Variants in ACYP2 observed in about 807,000 individuals in gnomAD.
The protein encoded by ACYP2 is acylphosphatase 2, also known as acylphosphatase-2.
Under a neutral mutation model 11.2 loss-of-function variants are expected in ACYP2, and 12 were observed. That is an observed-to-expected ratio of 1.08 (90% confidence interval 0.69 to 1.74). ACYP2 has a LOEUF of 1.74. Ranked by LOEUF, ACYP2 falls within the 40% of genes most tolerant of loss-of-function variation. ACYP2 has a pLI of 0.00. For missense variants in ACYP2, 134 were observed against 101.9 expected, an observed-to-expected ratio of 1.31 and a Z score of -1.35; for synonymous variants, 43 against 32.2, an observed-to-expected ratio of 1.33 and a Z score of -1.13.
At chr2:54,115,503 C>A (rs1241787164) in intron 4 of ACYP2, 112 bp from the exon 1 acceptor site, 74 of 1,432,874 alleles carry the variant, frequency 5.2e-5, no homozygotes, top group Non-Finnish European at 6.2e-5. Context: ...CCTGGCGTCC[C>A]CGGCTGCCCT....
At chr2:53,971,694 T>A (rs1397805535) in intron 1 of ACYP2, among the ~76,000 whole-genome samples, 1 of 152,116 alleles carries the variant, frequency 6.6e-6, no homozygotes, top group Admixed American at 6.6e-5. Flanking sequence ...CAAGAATCCT[T>A]AGGAACTCTA....
chr2:54,260,021 G>A (rs1687711787), intron 6 of ACYP2, among the ~76,000 whole-genome samples: 1 of 152,160 alleles, frequency 6.6e-6, no homozygotes, highest in African/African-American at 2.4e-5. Flanking sequence ...AACTAATGAT[G>A]TAAGAGACAG....
intron 6 of ACYP2, among the ~76,000 whole-genome samples, chr2:54,246,717 T>C (rs562548873): frequency 1.3e-5 from 2 of 152,338 alleles, no homozygotes; most frequent in East Asian, 3.9e-4. Flanking sequence ...TATTGTCTAA[T>C]ATCTAATATC....
rs567353257 is a variant in ACYP2, at chr2:54,050,915, C to A, written c.63-43C>A. On this transcript the variant is annotated intron_variant, in intron 2 of 6. Transcript: ENST00000607452. ...TCAGCCTTCTGAGTAGCTGAGACTA[C>A]AGGTGTGCACCCAACTAATTAAATT... The A allele has an allele frequency of 1.2e-3, 469 of 399,804 alleles. 2 individuals carry two copies. Among genetic ancestry groups the A allele is most frequent in the Non-Finnish European group, 1.8e-3 (404 of 227,314 alleles). The allele number at this position is 399,804 out of a possible 1,614,324, so 24.8% of individuals were successfully genotyped here.
chr2:54,020,118 G>A (rs971584931), intron 2 of ACYP2, among the ~76,000 whole-genome samples: 2 of 152,032 alleles, frequency 1.3e-5, no homozygotes, highest in African/African-American at 2.4e-5. Flanking sequence ...TGTATTTTTA[G>A]TAGAGATGGG....
At chr2:54,298,064 A>G (rs530732446) in intron 6 of ACYP2, among the ~76,000 whole-genome samples, 1 of 152,328 alleles carries the variant, frequency 6.6e-6, no homozygotes, top group South Asian at 2.1e-4. Context: ...TTCTAAAACT[A>G]TAATAATTAG....
intron 4 of ACYP2, among the ~76,000 whole-genome samples, chr2:54,080,729 C>T (rs1457581132): frequency 6.6e-6 from 1 of 151,898 alleles, no homozygotes; most frequent in African/African-American, 2.4e-5. Context: ...CTCAGGTGAT[C>T]CTCCCACCTC....
At chr2:54,068,351 G>A (rs1676851472) in intron 4 of ACYP2, among the ~76,000 whole-genome samples, 1 of 152,198 alleles carries the variant, frequency 6.6e-6, no homozygotes, top group Admixed American at 6.5e-5. Flanking sequence ...GCAGGTAGCA[G>A]GATGTCCACC....
At chr2:54,286,921 G>C (rs1005271055) in intron 6 of ACYP2, among the ~76,000 whole-genome samples, 7 of 151,938 alleles carry the variant, frequency 4.6e-5, no homozygotes, top group African/African-American at 1.7e-4. Context: ...ATGGTAAAAA[G>C]CTCCGTAAGT....
intron 4 of ACYP2, chr2:54,115,403 A>G: frequency 1.6e-6 from 1 of 634,140 alleles, no homozygotes; most frequent in Non-Finnish European, 2.6e-6. Context: ...ACCTTGATCA[A>G]TTAAATGGTA....
chr2:54,258,564 C>G (rs969563802), intron 6 of ACYP2, among the ~76,000 whole-genome samples: 9 of 152,116 alleles, frequency 5.9e-5, no homozygotes, highest in African/African-American at 1.9e-4. Flanking sequence ...CAAAATCTGA[C>G]TTAAGTTTTG....
At chr2:54,287,250 TAGC>T (rs1416109281) in intron 6 of ACYP2, among the ~76,000 whole-genome samples, 1 of 151,906 alleles carries the variant, frequency 6.6e-6, no homozygotes, top group East Asian at 1.9e-4. Flanking sequence ...TATGTCCTCA[TAGC>T]AGAAGAGGTG....
intron 4 of ACYP2, among the ~76,000 whole-genome samples, chr2:54,079,175 G>C (rs1483904592): frequency 6.6e-6 from 1 of 152,184 alleles, no homozygotes; most frequent in Admixed American, 6.5e-5. Context: ...ACTTGATGTA[G>C]AATTTAGTCC....
At chr2:54,010,647 G>A (rs1486056034) in intron 2 of ACYP2, among the ~76,000 whole-genome samples, 2 of 150,600 alleles carry the variant, frequency 1.3e-5, no homozygotes, top group South Asian at 4.2e-4. Context: ...AGAGAGTGGT[G>A]TTAGTGTTTG....
chr2:54,215,628 G>A (rs1321552034), intron 6 of ACYP2, among the ~76,000 whole-genome samples: 2 of 152,080 alleles, frequency 1.3e-5, no homozygotes, highest in African/African-American at 4.8e-5. Flanking sequence ...TTCCAGACTT[G>A]TAACTTCACA....
At chr2:54,282,704 T>C (rs764657897) in intron 6 of ACYP2, among the ~76,000 whole-genome samples, 4 of 152,184 alleles carry the variant, frequency 2.6e-5, no homozygotes, top group African/African-American at 4.8e-5. Context: ...ACCAGACTAG[T>C]GACAATTTTT....
chr2:54,050,444 G>A (rs995615614), intron 2 of ACYP2, among the ~76,000 whole-genome samples: 1 of 151,546 alleles, frequency 6.6e-6, no homozygotes, highest in Admixed American at 6.6e-5. Flanking sequence ...AGCTACTTAG[G>A]AGGCTGTGGT....
chr2:54,244,762 T>C (rs1036963809), intron 6 of ACYP2, among the ~76,000 whole-genome samples: 2 of 152,220 alleles, frequency 1.3e-5, no homozygotes, highest in Admixed American at 1.3e-4. Flanking sequence ...CATTTTTGAA[T>C]TGACACATAA....
intron 6 of ACYP2, 125 bp downstream of exon 3, chr2:54,138,873 A>G: frequency 2.8e-6 from 2 of 716,130 alleles, no homozygotes; most frequent in Non-Finnish European, 4.6e-6. Context: ...GCTCACTACA[A>G]CCTCTGCCTT....
Sources: allele counts gnomAD v4.1 joint callset (sites outside exome capture counted in the v4.1 genomes callset), GRCh38; gene constraint gnomAD v4.1.1; transcripts MANE v1.5; gene names NCBI Gene and HGNC (gene_info 2026-07-23, HGNC 2026-07-21).